The following GEMIN4 variants were observed in gnomAD, a reference collection of about 807,000 sequenced individuals.
GEMIN4 encodes the protein gem-associated protein 4.
In GEMIN4, 59 loss-of-function variants were observed where a neutral mutation model predicts 76.8. The ratio of observed to expected loss-of-function variants is 0.77; its 90% CI spans 0.62 to 0.95. The LOEUF (loss-of-function observed/expected upper bound fraction) is 0.95, where lower values mean the gene tolerates loss of function less well. GEMIN4 is among the 40% of genes least tolerant of loss of function. GEMIN4 has a pLI of 0.00. For synonymous variants in GEMIN4, 562 were observed against 559.7 expected (o/e 1.00, Z -0.06); for missense variants, 1,311 against 1,318.9 (o/e 0.99, Z 0.09).
Position 744,977 on chromosome 17 carries a change from G to C in GEMIN4, c.3066C>G (p.Val1022=), listed in dbSNP as rs370905419. The change falls in exon 2 of 2, where the codon GTC becomes GTG. Residue 1022 remains valine (V), a synonymous_variant. Coordinates refer to ENST00000319004, the MANE Select transcript of GEMIN4 (RefSeq NM_015721.3). ...YETLSKTNPS[V]SSLLQRAHEQ... is the part of the protein sequence containing the mutation. ...CGTGTGCCCTCTGGAGCAAGGAGCT[G>C]ACAGAAGGGTTGGTCTTGCTCAAAG... The C allele has an allele frequency of 1.9e-5, 30 of 1,613,966 alleles. No homozygotes were observed. In the East Asian group the frequency reaches 6.7e-4, roughly 36 times the overall value.
chr17:749,979 C>T (rs1005491937), intron 1 of GEMIN4: 6 of 985,134 alleles, frequency 6.1e-6, no homozygotes, highest in African/African-American at 3.5e-5. Context: ...AGGGAACTAA[C>T]GATTGACACA....
intron 1 of GEMIN4, 145 bp downstream of exon 1, chr17:751,988 G>A: frequency 1.9e-6 from 1 of 521,282 alleles, no homozygotes; most frequent in Non-Finnish European, 2.9e-6. Flanking sequence ...GGCCACCCCG[G>A]GACCCCTAGA....
chr17:754,038 TTAGA>T (rs1232403306), upstream of GEMIN4: 1 of 152,258 alleles, frequency 6.6e-6, no homozygotes, highest in Non-Finnish European at 1.5e-5. Context: ...ACACAGCAGT[TTAGA>T]AACAATGGAG....
Position 744,656 on chromosome 17 carries a change from C to A in GEMIN4, c.*210G>T. 1.9e-6 allele frequency: 1 copy of A among 531,014 alleles called. No homozygotes were observed. The highest frequency in any genetic ancestry group is 3.5e-5 in the Admixed American group (1 of 28,890). The allele number at this position is 531,014 out of a possible 1,614,324, so 32.9% of individuals were successfully genotyped here. On this transcript the variant is annotated 3_prime_UTR_variant, in exon 2 of 2. Coordinates refer to ENST00000319004, the MANE Select transcript of GEMIN4 (RefSeq NM_015721.3). ...AGGAGAATTTTTATGATAGTTTGTA[C>A]GTTACAAATACCCAAGAAACTATTT...
At chr17:751,963 A>G in intron 1 of GEMIN4, 170 bp downstream of exon 1, 1 of 417,976 alleles carries the variant, frequency 2.4e-6, no homozygotes, top group Non-Finnish European at 4.0e-6. Context: ...CGGGACCCGG[A>G]CCACCCCCCG....
rs191715038 is a variant in GEMIN4, at chr17:747,058, C to A, written c.985G>T (p.Glu329Ter). The A allele has an allele frequency of 9.3e-6, 15 of 1,613,396 alleles. No homozygotes were observed. Among genetic ancestry groups the A allele is most frequent in the Non-Finnish European group, 1.2e-5 (14 of 1,179,788 alleles). ...FLHHLLREWG[E>*]ELQAVLRSSQ... ...CTGCGGAGCACGGCCTGCAACTCCT[C>A]CCCCCACTCCCGCAGCAGGTGGTGC... The change falls in exon 2 of 2, where the codon GAG (glutamate) becomes TAG (stop). Residue 329 changes from glutamate to a stop codon, truncating the protein, a stop_gained. Transcript: ENST00000319004. LOFTEE classifies it high-confidence loss of function.
chr17:747,270 TG>T lies in GEMIN4; in HGVS notation c.772del (p.Gln258ArgfsTer15). 6.2e-7 allele frequency: 1 copy of T among 1,613,662 alleles called. No homozygotes were observed. Among genetic ancestry groups the T allele is most frequent in the Non-Finnish European group, 8.5e-7 (1 of 1,179,826 alleles). On this transcript the variant is annotated frameshift_variant, in exon 2 of 2. Coordinates refer to ENST00000319004, the MANE Select transcript of GEMIN4 (RefSeq NM_015721.3). LOFTEE classifies it high-confidence loss of function. ...CAGATACACGGTTGCAGACACCTCCTGGGGGTCGTCCTCTGTCAGCGCAAAC... is the reference window on the plus strand; with the variant it reads ...CAGATACACGGTTGCAGACACCTCCTGGGGTCGTCCTCTGTCAGCGCAAAC... ...TVFALTEDDP[Q>X]EVSATVYLDK...
In GEMIN4 at chr17:745,100, C is replaced by T; in HGVS notation, c.2943G>A (p.Gln981=). 2 of 1,612,676 alleles carry T rather than the reference C, an allele frequency of 1.2e-6. No individual in the cohort carries two copies. Among genetic ancestry groups the T allele is most frequent in the Non-Finnish European group, 1.7e-6 (2 of 1,179,446 alleles). Reference sequence around the variant, plus strand: ...TGATGTGCAGAGCATGGCAGAACACCTGGGTGTAAACAAACAGGGCTTCCT... The same window carrying T: ...TGATGTGCAGAGCATGGCAGAACACTTGGGTGTAAACAAACAGGGCTTCCT... ...LTQEALFVYT[Q]VFCHALHIMA... is the part of the protein sequence containing the mutation. Residue 981 remains glutamine, a synonymous_variant, in exon 2 of 2, where the codon CAG becomes CAA. Coordinates refer to ENST00000319004, the MANE Select transcript of GEMIN4 (RefSeq NM_015721.3). The surrounding 1 kb of genome is among the most constrained non-coding windows in gnomAD (Gnocchi z 4.6).
In GEMIN4 at chr17:747,544, C is replaced by A; in HGVS notation, c.499G>T (p.Val167Leu). 6.2e-7 allele frequency: 1 copy of A among 1,613,858 alleles called. No homozygotes were observed. The highest frequency in any genetic ancestry group is 1.1e-5 in the South Asian group (1 of 91,076). The change falls in exon 2 of 2, where the codon GTG becomes TTG. Residue 167 changes from valine to leucine, a missense_variant. Val to Leu is a conservative substitution (Grantham distance 32). Transcript: ENST00000319004. Reference sequence around the variant, plus strand: ...TGCGGGTGACCCTTGTGCTTCATCACCTCCCACCAGACGTCCAGGAAGAAG... The same window carrying A: ...TGCGGGTGACCCTTGTGCTTCATCAACTCCCACCAGACGTCCAGGAAGAAG... The part of the protein sequence containing the change: ...VAFFLDVWWE[V>L]MKHKGHPQDP...
rs1170886363 is a variant in GEMIN4 at position 747,481 on chromosome 17, T to C, written c.562A>G (p.Lys188Glu). 6.2e-7 allele frequency: 1 copy of C among 1,613,756 alleles called. No homozygotes were observed. Among genetic ancestry groups the C allele is most frequent in the Admixed American group, 1.7e-5 (1 of 60,012 alleles). Residue 188 changes from lysine (K) to glutamate (E), a missense_variant, in exon 2 of 2, where the codon AAG (lysine) becomes GAG (glutamate). Lys to Glu is a moderately conservative substitution (Grantham distance 56, BLOSUM62 1). Around this residue, in one of 2 missense-constraint regions of GEMIN4, gnomAD observed 1,208 missense variants for 1,166.9 expected, o/e 1.04. Transcript: ENST00000319004. ...LLSQFSAMAH[K>E]YLPALDEFPH... is the part of the protein sequence containing the mutation. ...AACTCATCTAAGGCAGGCAGGTACT[T>C]ATGGGCCATTGCACTAAACTGGGAG...
At chr17:751,758 T>C in intron 1 of GEMIN4, 1 of 262,466 alleles carries the variant, frequency 3.8e-6, no homozygotes, top group Non-Finnish European at 7.2e-6. Context: ...ACTTGGAGCG[T>C]TAAGACACTT....
chr17:748,124 G>C, intron 1 of GEMIN4, 92 bp from the exon 2 acceptor site: 1 of 961,292 alleles, frequency 1.0e-6, no homozygotes, highest in Admixed American at 2.7e-5. Context: ...GAGATGACAA[G>C]GGTTTTAAAG....
chr17:747,062 C>G lies in GEMIN4; in HGVS notation c.981G>C (p.Trp327Cys), dbSNP rs759679285. 3.1e-6 allele frequency: 5 copies of G among 1,613,516 alleles called. No individual in the cohort carries two copies. The highest frequency in any genetic ancestry group is 3.3e-5 in the Admixed American group (2 of 60,004). ...CEFLHHLLRE[W>C]GEELQAVLRS... ...GGAGCACGGCCTGCAACTCCTCCCC[C>G]CACTCCCGCAGCAGGTGGTGCAGGA... The change falls in exon 2 of 2, where the codon TGG becomes TGC. Residue 327 changes from tryptophan to cysteine, a missense_variant. Physicochemically the swap from Trp to Cys is radical, Grantham distance 215. This residue lies in a region of GEMIN4 where 1,208 missense variants were observed against 1,166.9 expected (regional missense o/e 1.04). Coordinates refer to ENST00000319004, the MANE Select transcript of GEMIN4 (RefSeq NM_015721.3).
In GEMIN4 at chr17:746,132, G is replaced by C; in HGVS notation, c.1911C>G (p.Pro637=). Residue 637 remains proline, a synonymous_variant, in exon 2 of 2, where the codon CCC becomes CCG. Transcript: ENST00000319004. This position sits in a 1 kb window ranked among gnomAD's most constrained non-coding sequence, Gnocchi z 4.3. ...LLNCLMSPVK[P]QGIPVAALLE... is the part of the protein sequence containing the mutation. ...GAAGAGCAGCCACTGGAATCCCTTG[G>C]GGTTTCACGGGACTCATCAGGCAGT... The C allele has an allele frequency of 1.2e-6, 2 of 1,613,912 alleles. No homozygotes were observed. The highest frequency in any genetic ancestry group is 1.1e-5 in the South Asian group (1 of 91,074).
Position 747,905 on chromosome 17 carries a change from G to C in GEMIN4, c.138C>G (p.Ile46Met). Reference protein sequence around the residue: ...KSDWERVGRPIVEALREISSA... With the variant: ...KSDWERVGRPMVEALREISSA... ...AGGAGATCTCCCTTAAGGCCTCCAC[G>C]ATGGGCCGTCCAACACGTTCCCAGT... is the stretch of plus-strand genomic sequence containing the variant. The change falls in exon 2 of 2, where the codon ATC (isoleucine) becomes ATG (methionine). Residue 46 changes from isoleucine to methionine, a missense_variant. Ile to Met is a conservative substitution (Grantham distance 10). Coordinates refer to ENST00000319004, the MANE Select transcript of GEMIN4 (RefSeq NM_015721.3). 1 of 1,613,928 alleles carries C rather than the reference G, an allele frequency of 6.2e-7. No individual in the cohort carries two copies. Among genetic ancestry groups the C allele is most frequent in the African/African-American group, 1.3e-5 (1 of 75,030 alleles).
At chr17:753,580 G>A (rs1597568094), upstream of GEMIN4, 1 of 154,348 alleles carries the variant, frequency 6.5e-6, no homozygotes, top group Non-Finnish European at 1.5e-5. Flanking sequence ...AAGCTTAGCC[G>A]AGACATCAAT....
At position 745,977 on chromosome 17, in the gene GEMIN4, A is replaced by T. The variant is rs1231964381; in HGVS notation, c.2066T>A (p.Leu689His). The T allele has an allele frequency of 6.2e-7, 1 of 1,613,240 alleles. No individual in the cohort carries two copies. Among genetic ancestry groups the T allele is most frequent in the African/African-American group, 1.3e-5 (1 of 74,924 alleles). ...EANACREEYW[L>H]QTCSPFPLLF... ...GAGTGGAAACGGGGAGCAGGTCTGG[A>T]GCCAGTATTCCTCTCGGCACGCGTT... The change falls in exon 2 of 2, where the codon CTC becomes CAC. Residue 689 changes from leucine (L) to histidine (H), a missense_variant. By Grantham distance (99) the Leu-to-His change is moderately conservative. Coordinates refer to ENST00000319004, the MANE Select transcript of GEMIN4 (RefSeq NM_015721.3). This position sits in a 1 kb window ranked among gnomAD's most constrained non-coding sequence, Gnocchi z 4.6.
In GEMIN4 at chr17:747,808, GCAGAACCTTGGCC is replaced by G. The variant is rs1306465655; in HGVS notation, c.222_234del (p.Trp74CysfsTer6). On this transcript the variant is annotated frameshift_variant, in exon 2 of 2. Coordinates refer to ENST00000319004, the MANE Select transcript of GEMIN4 (RefSeq NM_015721.3). LOFTEE classifies it high-confidence loss of function. Reference sequence around the variant, plus strand: ...TCGGACGGGGTCACGGGGTGCGGCTGCAGAACCTTGGCCCAGATGATGATCAGGGCTTTCTTCT... The same window carrying G: ...TCGGACGGGGTCACGGGGTGCGGCTGCAGATGATGATCAGGGCTTTCTTCT... 5.0e-6 allele frequency: 8 copies of G among 1,613,522 alleles called. No individual in the cohort carries two copies. Among genetic ancestry groups the G allele is most frequent in the Non-Finnish European group, 6.8e-6 (8 of 1,179,758 alleles).
Position 747,625 on chromosome 17 carries a change from C to G in GEMIN4, c.418G>C (p.Glu140Gln), listed in dbSNP as rs1480732633. The change falls in exon 2 of 2, where the codon GAA (glutamate) becomes CAA (glutamine). Residue 140 changes from glutamate to glutamine, a missense_variant. By Grantham distance (29) the Glu-to-Gln change is conservative. Around this residue, in one of 2 missense-constraint regions of GEMIN4, gnomAD observed 1,208 missense variants for 1,166.9 expected, o/e 1.04. Transcript: ENST00000319004. ...ACATGTTCCAGAAAGCGCTCTAGTTCTGCATGGCAGATGGTGGTGGGCAGG... is the reference window on the plus strand; with the variant it reads ...ACATGTTCCAGAAAGCGCTCTAGTTGTGCATGGCAGATGGTGGTGGGCAGG... Reference protein sequence around the residue: ...MALPTTICHAELERFLEHVTV... With the variant: ...MALPTTICHAQLERFLEHVTV... The G allele has an allele frequency of 2.5e-6, 4 of 1,613,880 alleles. No homozygotes were observed. The highest frequency in any genetic ancestry group is 3.4e-6 in the Non-Finnish European group (4 of 1,179,910).
Sources: gnomAD v4.1 joint callset for allele counts on GRCh38, gnomAD v4.1.1 for gene constraint, gnomAD v4.1.1 regional missense constraint, Gnocchi (gnomAD v3.1) non-coding constraint, MANE v1.5 for transcripts, NCBI Gene and HGNC (gene_info 2026-07-23, HGNC 2026-07-21) for gene names.